TMEM131L: variants seen among roughly 807,000 people sequenced by gnomAD.
TMEM131L encodes transmembrane protein 131-like.
A neutral mutation model predicts 192.2 loss-of-function variants in TMEM131L; 54 were observed. That is an observed-to-expected ratio of 0.28 (90% CI 0.23 to 0.35). The LOEUF (loss-of-function observed/expected upper bound fraction) is 0.35. Ranked by LOEUF, TMEM131L falls within the 10% of genes least tolerant of loss-of-function variation. TMEM131L has a pLI of 1.00. For synonymous variants in TMEM131L, 701 were observed against 704.9 expected (o/e 0.99, Z 0.09); for missense variants, 1,888 against 1,972.9 (o/e 0.96, Z 0.82).
chr4:153,523,905 G>C (rs759073033), intron 3 of TMEM131L, among the ~76,000 whole-genome samples: 3 of 152,124 alleles, frequency 2.0e-5, no homozygotes, highest in Non-Finnish European at 4.4e-5. Flanking sequence ...AATCAGAGGA[G>C]GCCTCAGCCT....
chr4:153,567,190 A>G (rs1729267992), intron 7 of TMEM131L, among the ~76,000 whole-genome samples: 3 of 152,252 alleles, frequency 2.0e-5, no homozygotes, highest in Admixed American at 2.0e-4. Context: ...CTCCCTAACA[A>G]GTTACAAAAT....
intron 10 of TMEM131L, 127 bp downstream of exon 10, chr4:153,583,375 C>G (rs1000245771): frequency 2.6e-6 from 2 of 762,898 alleles, no homozygotes; most frequent in African/African-American, 3.6e-5. Context: ...TTAATTTAAG[C>G]CCATTTGCCC....
Position 153,584,838 on chromosome 4 carries a change from C to A in TMEM131L, c.1064C>A (p.Ala355Asp). Reference sequence around the variant, plus strand: ...TTTATTTCTTTATACCACAAAGCAGCTACATCATGTGACAGTGGAATTATA... The same window carrying A: ...TTTATTTCTTTATACCACAAAGCAGATACATCATGTGACAGTGGAATTATA... ...TKIASFTCKA[A>D]TSCDSGIIED... is the part of the protein sequence containing the mutation. Residue 355 changes from alanine to aspartate, a missense_variant, in exon 12 of 35, where the codon GCT (alanine) becomes GAT (aspartate). Transcript: ENST00000409959. 1 of 1,611,926 alleles carries A rather than the reference C, an allele frequency of 6.2e-7. No homozygotes were observed. The highest frequency in any genetic ancestry group is 1.1e-5 in the South Asian group (1 of 91,008).
At chr4:153,584,048 GT>G (rs1730539423) in intron 11 of TMEM131L, among the ~76,000 whole-genome samples, 1 of 152,202 alleles carries the variant, frequency 6.6e-6, no homozygotes, top group Non-Finnish European at 1.5e-5. Flanking sequence ...AGTTTTAAGA[GT>G]TTATCCTCCA....
intron 16 of TMEM131L, among the ~76,000 whole-genome samples, chr4:153,590,099 C>G (rs1487754626): frequency 1.3e-5 from 2 of 152,116 alleles, no homozygotes; most frequent in Non-Finnish European, 2.9e-5. Flanking sequence ...TTCATTATAG[C>G]TGCTTTTTTA....
intron 25 of TMEM131L, among the ~76,000 whole-genome samples, chr4:153,611,487 A>G (rs575640046): frequency 1.2e-4 from 18 of 152,380 alleles, no homozygotes; most frequent in African/African-American, 3.8e-4. Context: ...AACTTATTTT[A>G]ACCATTTTAA....
chr4:153,480,935 C>A (rs1288839705), intron 3 of TMEM131L, among the ~76,000 whole-genome samples: 5 of 152,176 alleles, frequency 3.3e-5, no homozygotes, highest in African/African-American at 1.2e-4. Context: ...TGTCTCCATT[C>A]TGTAGCCACC....
intron 3 of TMEM131L, among the ~76,000 whole-genome samples, chr4:153,487,719 T>TGTGTGTGTGTGTGA (rs369094307): frequency 1.6e-4 from 23 of 143,438 alleles, no homozygotes; most frequent in African/African-American, 2.3e-4. Context: ...TGTGTGTGTG[T>TGTGTGTGTGTGTGA]GAGAGAGAGA....
intron 3 of TMEM131L, among the ~76,000 whole-genome samples, chr4:153,527,433 C>T (rs557112309): frequency 3.9e-5 from 6 of 152,110 alleles, no homozygotes; most frequent in South Asian, 2.1e-4. Context: ...CCACCATGCC[C>T]GGCTAAGTTT....
At chr4:153,496,789 T>C (rs1272830699) in intron 3 of TMEM131L, among the ~76,000 whole-genome samples, 1 of 152,004 alleles carries the variant, frequency 6.6e-6, no homozygotes, top group Non-Finnish European at 1.5e-5. Context: ...TAGGCTCAAG[T>C]GATCCACTCG....
In TMEM131L at chr4:153,634,287, G is replaced by A. The variant is rs768388797; in HGVS notation, c.4417+7G>A. On this transcript the variant is annotated splice_region_variant and intron_variant, in intron 33 of 34. Coordinates refer to ENST00000409959, the MANE Select transcript of TMEM131L (RefSeq NM_001131007.2). Reference sequence around the variant, plus strand: ...TACAATGCCTTTCCAGAAGGTAAGGGCTCTTCAGACAATCCCAACGCCATT... The same window carrying A: ...TACAATGCCTTTCCAGAAGGTAAGGACTCTTCAGACAATCCCAACGCCATT... 1.2e-6 allele frequency: 2 copies of A among 1,602,728 alleles called. No homozygotes were observed. The highest frequency in any genetic ancestry group is 1.1e-5 in the South Asian group (1 of 90,880).
In TMEM131L at chr4:153,535,132, T is replaced by C. The variant is rs147940404; in HGVS notation, c.240-14941T>C. Among the ~76,000 whole-genome samples the C allele has an allele frequency of 9.7e-4, 148 of 152,236 alleles. 1 individual carries two copies. The highest frequency in any genetic ancestry group is 3.4e-3 in the African/African-American group (140 of 41,534). The stretch of plus-strand genomic sequence containing the variant: ...AGACATGATGGGTGCTTGGATCAGG[T>C]GTGGCAGTGGGCCTGGTGAAAGCGG... On this transcript the variant is annotated intron_variant, in intron 3 of 34. Transcript: ENST00000409959.
chr4:153,633,088 A>G lies in TMEM131L; in HGVS notation c.4328+250A>G, dbSNP rs75017998. On this transcript the variant is annotated intron_variant, in intron 32 of 34. Coordinates refer to ENST00000409959, the MANE Select transcript of TMEM131L (RefSeq NM_001131007.2). Reference sequence around the variant, plus strand: ...TTTTTTAAAAACGTCTTTAAAAAAGACGATTTTTTCATATATTAGAGGCAG... The same window carrying G: ...TTTTTTAAAAACGTCTTTAAAAAAGGCGATTTTTTCATATATTAGAGGCAG... 5.4e-3 allele frequency: 1,874 copies of G among 344,722 alleles called. 11 individuals carry two copies. Among genetic ancestry groups the G allele is most frequent in the Middle Eastern group, 0.029 (36 of 1,252 alleles). The allele number at this position is 344,722 out of a possible 1,614,324, so 21.4% of individuals were successfully genotyped here. A position where few individuals can be genotyped will look rare whatever the true frequency, so the allele number is the denominator to read the frequency against.
intron 3 of TMEM131L, 149 bp downstream of exon 3, chr4:153,474,037 T>C (rs1731353062): frequency 1.9e-6 from 1 of 525,710 alleles, no homozygotes; most frequent in Non-Finnish European, 3.4e-6. Context: ...ATCTATACCT[T>C]CTAATACATT....
chr4:153,620,895 C>G lies in TMEM131L; in HGVS notation c.3692+15C>G. ...CCAGTCTCAAGGTGCGTAATTCTTA[C>G]TATCTCTAATATTTTGATCTATTTT... On this transcript the variant is annotated intron_variant, in intron 27 of 34. Transcript: ENST00000409959. 1 of 1,568,654 alleles carries G rather than the reference C, an allele frequency of 6.4e-7. No individual in the cohort carries two copies. Among genetic ancestry groups the G allele is most frequent in the East Asian group, 2.3e-5 (1 of 43,032 alleles).
intron 3 of TMEM131L, among the ~76,000 whole-genome samples, chr4:153,484,651 G>C (rs1732186955): frequency 6.7e-6 from 1 of 148,568 alleles, no homozygotes; most frequent in South Asian, 2.1e-4. Context: ...TGTATTTTCA[G>C]TAGAGACGGG....
intron 3 of TMEM131L, among the ~76,000 whole-genome samples, chr4:153,480,356 A>G (rs1731843941): frequency 6.6e-6 from 1 of 151,164 alleles, no homozygotes; most frequent in South Asian, 2.1e-4. Flanking sequence ...AACAAAACAA[A>G]ACAAAAACCA....
chr4:153,531,117 G>A (rs1169581279), intron 3 of TMEM131L, among the ~76,000 whole-genome samples: 1 of 152,210 alleles, frequency 6.6e-6, no homozygotes, highest in Non-Finnish European at 1.5e-5. Flanking sequence ...AAATGGATCA[G>A]TGGTTCCCAA....
intron 11 of TMEM131L, 136 bp downstream of exon 11, chr4:153,583,808 T>G: frequency 1.6e-6 from 1 of 622,174 alleles, no homozygotes; most frequent in South Asian, 2.0e-5. Flanking sequence ...AGTCCCAGCC[T>G]TAGTAGTTCT....
Sources: allele counts gnomAD v4.1 joint callset (sites outside exome capture counted in the v4.1 genomes callset), GRCh38; gene constraint gnomAD v4.1.1; transcripts MANE v1.5; gene names NCBI Gene and HGNC (gene_info 2026-07-23, HGNC 2026-07-21).